Variants in GRIK1 observed in about 807,000 individuals in gnomAD.
GRIK1 encodes glutamate receptor ionotropic, kainate 1.
Under a neutral mutation model 105.7 loss-of-function variants are expected in GRIK1, and 69 were observed. That is an observed-to-expected ratio of 0.65 (90% CI 0.54 to 0.80). The LOEUF is 0.80. GRIK1 is among the 30% of genes least tolerant of loss of function. GRIK1 has a pLI of 0.00. For synonymous variants in GRIK1, 438 were observed against 431.3 expected (o/e 1.02, Z -0.19); for missense variants, 1,109 against 1,167.3 (o/e 0.95, Z 0.73).
At chr21:29,937,805 T>TTA (rs1023094480) in intron 1 of GRIK1, among the ~76,000 whole-genome samples, 3 of 152,010 alleles carry the variant, frequency 2.0e-5, no homozygotes, top group Non-Finnish European at 4.4e-5. Context: ...ATATTTTTTT[T>TTA]TTTTGACCAG....
intron 4 of GRIK1, among the ~76,000 whole-genome samples, chr21:29,668,983 G>A (rs1281471348): frequency 1.3e-5 from 2 of 152,084 alleles, no homozygotes. Flanking sequence ...GTTGGGGAGA[G>A]GACACATGCG....
At chr21:29,826,707 TATACACATATGAATTCAC>T (rs2067468759) in intron 1 of GRIK1, among the ~76,000 whole-genome samples, 1 of 152,044 alleles carries the variant, frequency 6.6e-6, no homozygotes, top group Non-Finnish European at 1.5e-5. Flanking sequence ...TATAAATATA[TATACACATATGAATTCAC>T]ATACACATAT....
At chr21:29,553,649 G>A (rs767418131) in intron 16 of GRIK1, 18 of 1,609,114 alleles carry the variant, frequency 1.1e-5, no homozygotes, top group Admixed American at 1.7e-5. Flanking sequence ...AGTTCCAGAA[G>A]TGGAGTTGGT....
intron 14 of GRIK1, among the ~76,000 whole-genome samples, chr21:29,575,063 T>A (rs999427835): frequency 6.6e-6 from 1 of 152,174 alleles, no homozygotes; most frequent in Admixed American, 6.5e-5. Flanking sequence ...GAAAAGTAAG[T>A]CCTACTTTTT....
chr21:29,781,757 G>A (rs2066113651), intron 1 of GRIK1, among the ~76,000 whole-genome samples: 1 of 121,104 alleles, frequency 8.3e-6, no homozygotes, highest in East Asian at 2.9e-4. Flanking sequence ...TGCAAGCTCC[G>A]CTTCCCGGGT....
intron 1 of GRIK1, among the ~76,000 whole-genome samples, chr21:29,769,008 A>T (rs1433838039): frequency 2.6e-5 from 4 of 152,096 alleles, no homozygotes; most frequent in African/African-American, 4.8e-5. Flanking sequence ...ACAATCAATC[A>T]ATTATTGTTG....
chr21:29,656,990 G>A (rs2095076990), intron 4 of GRIK1, among the ~76,000 whole-genome samples: 1 of 152,078 alleles, frequency 6.6e-6, no homozygotes, highest in Non-Finnish European at 1.5e-5. Flanking sequence ...TTCAAGGGTA[G>A]ACTTGCTTTA....
At position 29,859,047 on chromosome 21, in the gene GRIK1, T is replaced by C. The variant is rs532703402; in HGVS notation, c.118+80336A>G. Among the ~76,000 whole-genome samples, 4 of 151,450 alleles carry C rather than the reference T, an allele frequency of 2.6e-5. No homozygotes were observed. The East Asian group carries it at 7.9e-4, about 30-fold the overall frequency. The stretch of plus-strand genomic sequence containing the variant: ...CTATGCAGCCATAAAAAATGATGAG[T>C]TCATGTCCTTTGTAGGGACATGGAT... On this transcript the variant is annotated intron_variant, in intron 1 of 17. Transcript: ENST00000327783.
At chr21:29,870,884 A>G (rs887654266) in intron 1 of GRIK1, among the ~76,000 whole-genome samples, 5 of 151,616 alleles carry the variant, frequency 3.3e-5, no homozygotes, top group Non-Finnish European at 7.4e-5. Flanking sequence ...TGAGACGTAA[A>G]CTTTTGGGTA....
chr21:29,752,219 G>A (rs954551221), intron 1 of GRIK1, among the ~76,000 whole-genome samples: 2 of 152,174 alleles, frequency 1.3e-5, no homozygotes, highest in African/African-American at 4.8e-5. Context: ...CATGAGATAA[G>A]GTCAGAGCTA....
chr21:29,803,699 A>G (rs1433316685), intron 1 of GRIK1, among the ~76,000 whole-genome samples: 9 of 152,130 alleles, frequency 5.9e-5, no homozygotes, highest in Admixed American at 5.9e-4. Flanking sequence ...CAAATCCACA[A>G]TTGGCTTACT....
At chr21:29,835,459 C>T (rs1405125487) in intron 1 of GRIK1, among the ~76,000 whole-genome samples, 4 of 152,154 alleles carry the variant, frequency 2.6e-5, no homozygotes, top group Non-Finnish European at 4.4e-5. Context: ...TTTTATATTG[C>T]TCTGAGACTG....
At chr21:29,634,134 C>T (rs1450423260) in intron 7 of GRIK1, among the ~76,000 whole-genome samples, 2 of 152,134 alleles carry the variant, frequency 1.3e-5, no homozygotes, top group African/African-American at 4.8e-5. Flanking sequence ...AAACAAAAAC[C>T]CCACTCCATA....
chr21:29,545,666 C>T (rs2090039384), intron 16 of GRIK1, among the ~76,000 whole-genome samples: 1 of 151,700 alleles, frequency 6.6e-6, no homozygotes, highest in Admixed American at 6.6e-5. Flanking sequence ...CAGGGCCCTA[C>T]CTTTAAGCTA....
intron 14 of GRIK1, among the ~76,000 whole-genome samples, chr21:29,574,946 G>C (rs866896650): frequency 5.8e-4 from 88 of 151,696 alleles, no homozygotes; most frequent in African/African-American, 2.1e-3. Context: ...CGCCCGCCTC[G>C]GCCTCCCAAA....
intron 1 of GRIK1, among the ~76,000 whole-genome samples, chr21:29,913,329 A>G (rs1045857441): frequency 1.3e-5 from 2 of 152,106 alleles, no homozygotes; most frequent in Non-Finnish European, 2.9e-5. Flanking sequence ...AACTCTGTAA[A>G]GCACTTGACA....
chr21:29,931,001 T>C (rs1475322598), intron 1 of GRIK1, among the ~76,000 whole-genome samples: 1 of 152,204 alleles, frequency 6.6e-6, no homozygotes, highest in Admixed American at 6.5e-5. Context: ...ATATAGACTT[T>C]ATTTCTTAGC....
intron 4 of GRIK1, chr21:29,657,923 A>G (rs1409057557): frequency 6.6e-6 from 1 of 152,272 alleles, no homozygotes; most frequent in Non-Finnish European, 1.5e-5. Flanking sequence ...AGTTTTAAAA[A>G]TAAAAAGTGT....
chr21:29,908,925 A>T (rs1266053239), intron 1 of GRIK1, among the ~76,000 whole-genome samples: 1 of 152,220 alleles, frequency 6.6e-6, no homozygotes, highest in African/African-American at 2.4e-5. Context: ...TTTCCTCTGC[A>T]AAATGGCTTT....
Sources: gnomAD v4.1 joint callset for allele counts (sites outside exome capture counted in the v4.1 genomes callset) on GRCh38, gnomAD v4.1.1 for gene constraint, MANE v1.5 for transcripts, NCBI Gene and HGNC (gene_info 2026-07-23, HGNC 2026-07-21) for gene names.